Variants in EFHC1 observed in about 807,000 individuals in gnomAD.
The protein encoded by EFHC1 is EF-hand domain-containing protein 1.
EFHC1 carries 53 observed loss-of-function variants against 69.9 expected under a neutral mutation model. The ratio of observed to expected loss-of-function variants is 0.76; its 90% CI spans 0.61 to 0.95. EFHC1 has a LOEUF of 0.95. EFHC1 is among the 40% of genes least tolerant of loss of function. The pLI, the probability that EFHC1 is intolerant of heterozygous loss-of-function variation, is 0.00. For missense variants in EFHC1, 739 were observed against 798.7 expected, an observed-to-expected ratio of 0.93 and a Z score of 0.90; for synonymous variants, 256 against 278.4, an observed-to-expected ratio of 0.92 and a Z score of 0.80.
intron 9 of EFHC1, chr6:52,484,026 T>A (rs1371082185): frequency 6.6e-6 from 1 of 152,292 alleles, no homozygotes; most frequent in African/African-American, 2.4e-5. Context: ...GTTTTTGTTT[T>A]ATTTTGTTTT....
chr6:52,492,564 T>C lies in EFHC1; in HGVS notation c.*223T>C. 1 of 668,270 alleles carries C rather than the reference T, an allele frequency of 1.5e-6. No individual in the cohort carries two copies. Among genetic ancestry groups the C allele is most frequent in the Admixed American group, 2.0e-5 (1 of 48,996 alleles). 41.4% of individuals were successfully genotyped at this position (668,270 alleles called of 1,614,324 possible). On this transcript the variant is annotated 3_prime_UTR_variant, in exon 11 of 11. Coordinates refer to ENST00000371068, the MANE Select transcript of EFHC1 (RefSeq NM_018100.4). ...GTATAGCAATGTCTAATTTTGTGTG[T>C]CAAATTGACTTGGCCACAGGGGGCC... is the stretch of plus-strand genomic sequence containing the variant.
chr6:52,423,514 G>GT (rs925460100), intron 1 of EFHC1, among the ~76,000 whole-genome samples: 76 of 151,848 alleles, frequency 5.0e-4, no homozygotes, highest in African/African-American at 1.7e-3. Flanking sequence ...GTTTTGTTTT[G>GT]TTTTTTTGAG....
chr6:52,448,263 C>G (rs931020053), intron 3 of EFHC1, among the ~76,000 whole-genome samples: 13 of 152,236 alleles, frequency 8.5e-5, no homozygotes, highest in African/African-American at 3.1e-4. Flanking sequence ...GCTCAAGCCT[C>G]AGCAATGGCG....
At position 52,420,424 on chromosome 6, in the gene EFHC1, C is replaced by T; in HGVS notation, c.14C>T (p.Pro5Leu). Residue 5 changes from proline to leucine, a missense_variant, in exon 1 of 11, where the codon CCC becomes CTC. Physicochemically the swap from Pro to Leu is moderately conservative, Grantham distance 98. Transcript: ENST00000371068. MVSN[P>L]VHGLPFLPGT... ...GTACCGGCTGCAATGGTGTCCAATC[C>T]CGTGCATGGCTTGCCCTTTCTTCCG... is the stretch of plus-strand genomic sequence containing the variant. 6.2e-7 allele frequency: 1 copy of T among 1,614,250 alleles called. No homozygotes were observed. The highest frequency in any genetic ancestry group is 8.5e-7 in the Non-Finnish European group (1 of 1,180,048).
chr6:52,445,547 G>A (rs1272866080), intron 3 of EFHC1, among the ~76,000 whole-genome samples: 2 of 149,196 alleles, frequency 1.3e-5, no homozygotes, highest in African/African-American at 4.9e-5. Context: ...GGTTTTTTGT[G>A]TCTCTATCTC....
intron 5 of EFHC1, among the ~76,000 whole-genome samples, chr6:52,463,364 A>C (rs1264689530): frequency 1.3e-5 from 2 of 152,246 alleles, no homozygotes; most frequent in Non-Finnish European, 2.9e-5. Flanking sequence ...GTTTATGAAG[A>C]AATAGAAAAC....
intron 7 of EFHC1, 41 bp downstream of exon 7, chr6:52,469,514 C>T (rs1330641373): frequency 6.2e-7 from 1 of 1,610,104 alleles, no homozygotes; most frequent in East Asian, 2.2e-5. Flanking sequence ...TCTTCTATCT[C>T]AGTACTGTGT....
At chr6:52,479,939 A>G (rs1397817627) in intron 9 of EFHC1, 152 bp downstream of exon 9, 3 of 1,197,216 alleles carry the variant, frequency 2.5e-6, no homozygotes, top group East Asian at 2.5e-5. Context: ...GTGTCAATGT[A>G]ATAGCTAGTA....
rs1006547700 is a variant in EFHC1 at position 52,495,277 on chromosome 6, A to G, written c.*2936A>G. ...AGGTACCCCAAATCTTATGCTCTCCAAACTCCAGGGGACAGACACATGTCA... is the reference window on the plus strand; with the variant it reads ...AGGTACCCCAAATCTTATGCTCTCCGAACTCCAGGGGACAGACACATGTCA... On this transcript the variant is annotated 3_prime_UTR_variant, in exon 11 of 11. Coordinates refer to ENST00000371068, the MANE Select transcript of EFHC1 (RefSeq NM_018100.4). The G allele has an allele frequency of 1.1e-5, 5 of 453,948 alleles. No individual in the cohort carries two copies. The highest frequency in any genetic ancestry group is 8.0e-5 in the African/African-American group (4 of 49,986). 28.1% of individuals were successfully genotyped at this position (453,948 alleles called of 1,614,324 possible). A position where few individuals can be genotyped will look rare whatever the true frequency, so the allele number is the denominator to read the frequency against.
chr6:52,490,271 C>T lies in EFHC1; in HGVS notation c.1772C>T (p.Ser591Leu). The T allele has an allele frequency of 6.2e-7, 1 of 1,614,124 alleles. No individual in the cohort carries two copies. The highest frequency in any genetic ancestry group is 8.5e-7 in the Non-Finnish European group (1 of 1,179,992). The change falls in exon 10 of 11, where the codon TCA becomes TTA. Residue 591 changes from serine (S) to leucine (L), a missense_variant. Ser to Leu is a moderately radical substitution (Grantham distance 145, BLOSUM62 -2). Coordinates refer to ENST00000371068, the MANE Select transcript of EFHC1 (RefSeq NM_018100.4). ...TTTCAAATTTATGACAAGGAAGCTT[C>T]AGGATATGTGGACAGAGACATGTTC... ...EAFQIYDKEA[S>L]GYVDRDMFFK...
rs1476070618 is a variant in EFHC1, at chr6:52,495,068, A to G, written c.*2727A>G. On this transcript the variant is annotated 3_prime_UTR_variant, in exon 11 of 11. Transcript: ENST00000371068. ...CTCAGATGGACGGGACCCAGTCTGT[A>G]CCTGATCACCCCGGCTCTAATGGTA... 1.1e-5 allele frequency: 5 copies of G among 454,014 alleles called. No individual in the cohort carries two copies. Among genetic ancestry groups the G allele is most frequent in the Admixed American group, 4.7e-5 (2 of 42,574 alleles). 28.1% of individuals were successfully genotyped at this position (454,014 alleles called of 1,614,324 possible). A position where few individuals can be genotyped will look rare whatever the true frequency, so the allele number is the denominator to read the frequency against.
chr6:52,425,325 T>C (rs1005316596), intron 2 of EFHC1, among the ~76,000 whole-genome samples: 1 of 152,204 alleles, frequency 6.6e-6, no homozygotes, highest in African/African-American at 2.4e-5. Context: ...GGGAGAGGGC[T>C]GAAAATACAA....
chr6:52,488,535 T>G (rs1337038712), intron 9 of EFHC1: 1 of 152,196 alleles, frequency 6.6e-6, no homozygotes, highest in Non-Finnish European at 1.5e-5. Flanking sequence ...TGTAATACTA[T>G]TTTGCTTTTT....
intron 3 of EFHC1, among the ~76,000 whole-genome samples, chr6:52,443,668 C>A (rs1400658317): frequency 1.3e-5 from 2 of 152,180 alleles, no homozygotes. Flanking sequence ...GGTACCAGTA[C>A]CATGTTGTTT....
At chr6:52,480,016 G>C (rs1765640854) in intron 9 of EFHC1, 2 of 699,034 alleles carry the variant, frequency 2.9e-6, no homozygotes, top group East Asian at 5.4e-5. Context: ...GTGGGAGTTA[G>C]GGGTACCAGC....
Position 52,464,890 on chromosome 6 carries a change from A to G in EFHC1, c.917-5A>G, listed in dbSNP as rs1200888930. On this transcript the variant is annotated splice_region_variant and splice_polypyrimidine_tract_variant and intron_variant, in intron 5 of 10. Transcript: ENST00000371068. ...TTTTTTCTCTCTAACACCATCTTATATTAGAGAACTTCCCTCAGTGTGTGC... is the reference window on the plus strand; with the variant it reads ...TTTTTTCTCTCTAACACCATCTTATGTTAGAGAACTTCCCTCAGTGTGTGC... 1.2e-6 allele frequency: 2 copies of G among 1,610,902 alleles called. No homozygotes were observed. The highest frequency in any genetic ancestry group is 1.7e-6 in the Non-Finnish European group (2 of 1,177,096).
At chr6:52,471,061 T>C (rs1765425566) in intron 7 of EFHC1, among the ~76,000 whole-genome samples, 1 of 152,212 alleles carries the variant, frequency 6.6e-6, no homozygotes, top group Admixed American at 6.5e-5. Flanking sequence ...TAGCAAGATG[T>C]GAAGAATCAC....
intron 9 of EFHC1, 168 bp downstream of exon 9, chr6:52,479,955 G>A: frequency 9.1e-7 from 1 of 1,093,790 alleles, no homozygotes; most frequent in Non-Finnish European, 1.3e-6. Flanking sequence ...TAGTAACTTA[G>A]AACTTTTTCA....
chr6:52,432,023 C>T (rs1321276677), intron 2 of EFHC1, among the ~76,000 whole-genome samples: 1 of 152,104 alleles, frequency 6.6e-6, no homozygotes, highest in Non-Finnish European at 1.5e-5. Flanking sequence ...CACTCCTGCT[C>T]ACTTTTGGTG....
Sources: allele counts gnomAD v4.1 joint callset (sites outside exome capture counted in the v4.1 genomes callset), GRCh38; gene constraint gnomAD v4.1.1; transcripts MANE v1.5; gene names NCBI Gene and HGNC (gene_info 2026-07-23, HGNC 2026-07-21).